Variants in ART3 observed in about 807,000 individuals in gnomAD.
ART3 encodes ecto-ADP-ribosyltransferase 3.
ART3 carries 49 observed loss-of-function variants against 48.5 expected under a neutral mutation model. That is an observed-to-expected ratio of 1.01 (90% CI 0.80 to 1.28). The LOEUF is 1.28. ART3 is among the 50% of genes most tolerant of loss of function. The pLI is 0.00. For missense variants in ART3, 438 were observed against 454.3 expected, an observed-to-expected ratio of 0.96 and a Z score of 0.33; for synonymous variants, 145 against 157.2, an observed-to-expected ratio of 0.92 and a Z score of 0.58.
chr4:76,035,336 G>A (rs200609109), intron 1 of ART3: 4 of 1,613,844 alleles, frequency 2.5e-6, no homozygotes, highest in Non-Finnish European at 3.4e-6. Flanking sequence ...TTTGAACATG[G>A]GGAAGCCTAG....
At chr4:76,110,673 C>T (rs142938113) in intron 11 of ART3, among the ~76,000 whole-genome samples, 2 of 152,200 alleles carry the variant, frequency 1.3e-5, no homozygotes, top group Non-Finnish European at 1.5e-5. Flanking sequence ...TAAAACCTAG[C>T]GTAGCAGATC....
At chr4:76,081,000 G>A (rs1389731754) in intron 2 of ART3, among the ~76,000 whole-genome samples, 1 of 152,110 alleles carries the variant, frequency 6.6e-6, no homozygotes, top group Non-Finnish European at 1.5e-5. Flanking sequence ...GTTGTATGTG[G>A]TATTATGCCT....
Position 76,082,331 on chromosome 4 carries a change from G to A in ART3, c.577G>A (p.Ala193Thr), listed in dbSNP as rs142545952. 2.3e-4 allele frequency: 375 copies of A among 1,614,030 alleles called. No homozygotes were observed. The highest frequency in any genetic ancestry group is 3.3e-4 in the Middle Eastern group (2 of 6,084). ...CTTGGCATATTCAGCCAAACCTCAG[G>A]CTGCTAATGACCAGCTCACTGTGTT... ...FTLAYSAKPQ[A>T]ANDQLTVLSI... is the part of the protein sequence containing the mutation. The change falls in exon 3 of 12, where the codon GCT (alanine) becomes ACT (threonine). Residue 193 changes from alanine (A) to threonine (T), a missense_variant. Ala to Thr is a moderately conservative substitution (Grantham distance 58). Around this residue, in one of 3 missense-constraint regions of ART3, gnomAD observed 227 missense variants for 229.6 expected, o/e 0.99. Transcript: ENST00000355810.
intron 1 of ART3, among the ~76,000 whole-genome samples, chr4:76,062,786 T>G (rs1719362395): frequency 6.6e-6 from 1 of 152,032 alleles, no homozygotes; most frequent in Admixed American, 6.5e-5. Flanking sequence ...GGTCTTGATC[T>G]CCTGACCTCG....
chr4:76,023,260 T>C, intron 1 of ART3: 3 of 804,768 alleles, frequency 3.7e-6, no homozygotes, highest in Non-Finnish European at 6.2e-6. Flanking sequence ...TTCCCTCTTA[T>C]TTATAAGCAT....
intron 1 of ART3, among the ~76,000 whole-genome samples, chr4:76,043,582 G>A (rs1735198406): frequency 6.6e-6 from 1 of 152,226 alleles, no homozygotes. Flanking sequence ...TGTTCCGAGT[G>A]CGGGGCCCAC....
At chr4:76,111,415 A>C (rs1296895397) in intron 11 of ART3, among the ~76,000 whole-genome samples, 1 of 152,246 alleles carries the variant, frequency 6.6e-6, no homozygotes. Flanking sequence ...CATTTCAGAC[A>C]GATAATTCAT....
chr4:76,038,748 A>G (rs4859599), intron 1 of ART3, among the ~76,000 whole-genome samples: 92,703 of 151,376 alleles, frequency 0.61, 29,417 homozygotes, highest in East Asian at 0.94. Context: ...TTTGAGATGG[A>G]TTCTTGCTCT....
rs1024716959 is a variant in ART3, at chr4:76,112,565, T to C, written c.*46T>C. ...TCTTATTCTTTACTTGAAATAACTA[T>C]AGGGATCCACAGGAGATCAAAAGGA... is the stretch of plus-strand genomic sequence containing the variant. On this transcript the variant is annotated 3_prime_UTR_variant, in exon 12 of 12. Coordinates refer to ENST00000355810, the MANE Select transcript of ART3 (RefSeq NM_001130016.3). The C allele has an allele frequency of 3.2e-6, 5 of 1,559,356 alleles. No individual in the cohort carries two copies. Among genetic ancestry groups the C allele is most frequent in the Non-Finnish European group, 4.3e-6 (5 of 1,149,704 alleles).
chr4:76,048,937 A>G (rs1195344711), intron 1 of ART3, among the ~76,000 whole-genome samples: 1 of 151,942 alleles, frequency 6.6e-6, no homozygotes, highest in African/African-American at 2.4e-5. Flanking sequence ...GGAGGGCCAT[A>G]CCCTGAGGGA....
At chr4:76,076,270 C>T (rs60210269) in intron 2 of ART3, among the ~76,000 whole-genome samples, 1,682 of 152,172 alleles carry the variant, frequency 0.011, 32 homozygotes, top group African/African-American at 0.039. Context: ...TCCCAAAGTG[C>T]TGGGATTACA....
chr4:76,094,424 G>A (rs1350243243), intron 3 of ART3, among the ~76,000 whole-genome samples: 1 of 152,190 alleles, frequency 6.6e-6, no homozygotes, highest in African/African-American at 2.4e-5. Context: ...TTGATTGGGT[G>A]CCAGATGCTG....
At chr4:76,106,842 A>G (rs1728577529) in intron 10 of ART3, among the ~76,000 whole-genome samples, 1 of 152,144 alleles carries the variant, frequency 6.6e-6, no homozygotes, top group South Asian at 2.1e-4. Flanking sequence ...GCATGAGGCT[A>G]GAAAGGGAGC....
At chr4:76,022,952 A>G (rs146309314) in intron 1 of ART3, 283 of 803,568 alleles carry the variant, frequency 3.5e-4, no homozygotes, top group Non-Finnish European at 5.0e-4. Flanking sequence ...GGAATGGATC[A>G]CATCATAACA....
chr4:76,093,596 A>G (rs6532181), intron 3 of ART3, among the ~76,000 whole-genome samples: 103,526 of 152,146 alleles, frequency 0.68, 36,989 homozygotes, highest in East Asian at 0.98. Flanking sequence ...CAGCTAATTA[A>G]CAACATTATT....
At chr4:76,012,567 A>G (rs778577279) in intron 1 of ART3, among the ~76,000 whole-genome samples, 4 of 152,204 alleles carry the variant, frequency 2.6e-5, no homozygotes, top group Non-Finnish European at 4.4e-5. Context: ...AGAAAGGACC[A>G]AGTTCTTCCT....
chr4:76,104,918 T>C (rs1728136177), intron 10 of ART3, among the ~76,000 whole-genome samples: 1 of 152,198 alleles, frequency 6.6e-6, no homozygotes, highest in Admixed American at 6.6e-5. Flanking sequence ...TTAAGGAAAT[T>C]AGATATTTGG....
intron 3 of ART3, among the ~76,000 whole-genome samples, chr4:76,093,234 C>A (rs1408008059): frequency 6.6e-6 from 1 of 151,996 alleles, no homozygotes; most frequent in Non-Finnish European, 1.5e-5. Flanking sequence ...CCAGCCTGGG[C>A]AACATAGCGA....
intron 1 of ART3, among the ~76,000 whole-genome samples, chr4:76,052,550 A>G (rs1736213675): frequency 6.6e-6 from 1 of 152,042 alleles, no homozygotes; most frequent in Admixed American, 6.6e-5. Context: ...TGTATCCATC[A>G]CCAGAATAAT....
Sources: gnomAD v4.1 joint callset for allele counts (sites outside exome capture counted in the v4.1 genomes callset) on GRCh38, gnomAD v4.1.1 for gene constraint, gnomAD v4.1.1 regional missense constraint, MANE v1.5 for transcripts, NCBI Gene and HGNC (gene_info 2026-07-23, HGNC 2026-07-21) for gene names.